Variants in IMMP2L observed in about 807,000 individuals in gnomAD.
IMMP2L encodes the protein inner mitochondrial membrane peptidase subunit 2, also known as mitochondrial inner membrane protease subunit 2.
IMMP2L carries 18 observed loss-of-function variants against 19.3 expected under a neutral mutation model. That is an observed-to-expected ratio of 0.93 (90% CI 0.64 to 1.38). The LOEUF is 1.38. Among genes scored for constraint, IMMP2L ranks in the 40% most tolerant of loss-of-function variants. The pLI is 0.00. For missense variants in IMMP2L, 233 were observed against 218.2 expected (o/e 1.07, Z -0.43); for synonymous variants, 76 against 73.0 (o/e 1.04, Z -0.21).
intron 5 of IMMP2L, among the ~76,000 whole-genome samples, chr7:110,713,755 C>G (rs1278088714): frequency 6.6e-6 from 1 of 151,426 alleles, no homozygotes. Flanking sequence ...ATTACTGGTG[C>G]ACAGAAATGT....
At chr7:111,167,584 G>A (rs1172669188) in intron 3 of IMMP2L, among the ~76,000 whole-genome samples, 1 of 151,918 alleles carries the variant, frequency 6.6e-6, no homozygotes, top group Non-Finnish European at 1.5e-5. Context: ...CAAATGGATT[G>A]TTGCAGTTTC....
At chr7:111,013,273 G>C (rs1031716565) in intron 3 of IMMP2L, among the ~76,000 whole-genome samples, 6 of 152,150 alleles carry the variant, frequency 3.9e-5, no homozygotes, top group African/African-American at 1.4e-4. Context: ...GTAAGAGGTA[G>C]ACATGAGCAA....
intron 3 of IMMP2L, among the ~76,000 whole-genome samples, chr7:111,174,325 T>C (rs930477061): frequency 6.6e-6 from 1 of 151,650 alleles, no homozygotes; most frequent in African/African-American, 2.4e-5. Flanking sequence ...AGATAGAGGT[T>C]TAATAACTTC....
rs151212319 is a variant in IMMP2L, at chr7:111,029,758, C to G, written c.240-66193G>C. ...TATTGCTCATCATTTTCCATACCAG[C>G]TATAATTTCAGCCACTTCAATCCAG... On this transcript the variant is annotated intron_variant, in intron 3 of 5. Transcript: ENST00000405709. Among the ~76,000 whole-genome samples the G allele has an allele frequency of 4.6e-3, 706 of 152,254 alleles. 3 individuals carry two copies. Among genetic ancestry groups the G allele is most frequent in the Middle Eastern group, 0.024 (7 of 294 alleles).
In IMMP2L at chr7:111,240,023, T is replaced by C. The variant is rs111281050; in HGVS notation, c.239+247215A>G. 3.6e-3 allele frequency among the ~76,000 whole-genome samples: 541 copies of C among 152,086 alleles called. 4 individuals are homozygous for C. The highest frequency in any genetic ancestry group is 0.012 in the African/African-American group (511 of 41,556). On this transcript the variant is annotated intron_variant, in intron 3 of 5. Transcript: ENST00000405709. ...GTAATAATTTGGCATTACCACCTTA[T>C]TGTCACAATAATGGATGTTTTGACA...
At chr7:111,355,464 G>C (rs1482404542) in intron 3 of IMMP2L, among the ~76,000 whole-genome samples, 11 of 151,534 alleles carry the variant, frequency 7.3e-5, no homozygotes, top group African/African-American at 2.7e-4. Flanking sequence ...ATTACTTAAT[G>C]TATAGAATCT....
intron 5 of IMMP2L, among the ~76,000 whole-genome samples, chr7:110,850,553 G>A (rs192598236): frequency 3.3e-5 from 5 of 151,984 alleles, no homozygotes; most frequent in Non-Finnish European, 4.4e-5. Context: ...TGCAAGGAAC[G>A]GTACCATTCA....
intron 3 of IMMP2L, among the ~76,000 whole-genome samples, chr7:111,297,826 A>ATAT (rs1821793471): frequency 1.3e-5 from 2 of 152,132 alleles, no homozygotes; most frequent in Non-Finnish European, 2.9e-5. Context: ...ATACTGTATA[A>ATAT]GTCCATTTAT....
At chr7:111,341,562 AT>A (rs1827012310) in intron 3 of IMMP2L, among the ~76,000 whole-genome samples, 1 of 152,182 alleles carries the variant, frequency 6.6e-6, no homozygotes, top group South Asian at 2.1e-4. Context: ...TATGATCTAA[AT>A]TAAAACCATT....
chr7:111,386,925 A>C (rs1244355813), intron 3 of IMMP2L, among the ~76,000 whole-genome samples: 1 of 152,218 alleles, frequency 6.6e-6, no homozygotes, highest in Non-Finnish European at 1.5e-5. Flanking sequence ...GTTTCACAAA[A>C]GAGGCAAAAG....
At chr7:111,065,039 A>G (rs1416375330) in intron 3 of IMMP2L, among the ~76,000 whole-genome samples, 1 of 152,200 alleles carries the variant, frequency 6.6e-6, no homozygotes, top group Non-Finnish European at 1.5e-5. Context: ...GCTGAAGGCT[A>G]AGGGAATACG....
At chr7:111,129,336 T>A (rs1326147693) in intron 3 of IMMP2L, among the ~76,000 whole-genome samples, 1 of 151,822 alleles carries the variant, frequency 6.6e-6, no homozygotes, top group African/African-American at 2.4e-5. Flanking sequence ...CCAACCTTTT[T>A]CCTCAAGTTT....
At chr7:111,018,954 G>A (rs1825999505) in intron 3 of IMMP2L, among the ~76,000 whole-genome samples, 1 of 150,820 alleles carries the variant, frequency 6.6e-6, no homozygotes, top group African/African-American at 2.5e-5. Flanking sequence ...AGTTAATTAA[G>A]ACAAATTGTC....
In IMMP2L at chr7:111,018,402, T is replaced by C. The variant is rs570832366; in HGVS notation, c.240-54837A>G. Among the ~76,000 whole-genome samples the C allele has an allele frequency of 3.1e-4, 47 of 152,278 alleles. 1 individual carries two copies. The South Asian group carries it at 9.5e-3, about 31-fold the overall frequency. The stretch of plus-strand genomic sequence containing the variant: ...TCCTTCACTTACAAATAGCATGAAA[T>C]GGTGGATGAAAAGTAATGCCCTAAA... On this transcript the variant is annotated intron_variant, in intron 3 of 5. Transcript: ENST00000405709.
In IMMP2L at chr7:110,704,388, T is replaced by C. The variant is rs116666118; in HGVS notation, c.409-40667A>G. 2.8e-3 allele frequency among the ~76,000 whole-genome samples: 427 copies of C among 152,338 alleles called. 3 individuals are homozygous for C. The highest frequency in any genetic ancestry group is 9.7e-3 in the African/African-American group (402 of 41,586). ...TTCTCTTACAATACTGTCACACCTA[T>C]TAAACAATGCAACTTTCCAATGCAT... On this transcript the variant is annotated intron_variant, in intron 5 of 5. Coordinates refer to ENST00000405709, the MANE Select transcript of IMMP2L (RefSeq NM_032549.4).
chr7:111,362,316 T>A (rs1829337387), intron 3 of IMMP2L, among the ~76,000 whole-genome samples: 1 of 152,082 alleles, frequency 6.6e-6, no homozygotes, highest in Admixed American at 6.6e-5. Flanking sequence ...ATTGAACTTT[T>A]AAATTGTGTT....
chr7:110,947,027 A>C (rs1332417063), intron 4 of IMMP2L, among the ~76,000 whole-genome samples: 1 of 152,080 alleles, frequency 6.6e-6, no homozygotes, highest in African/African-American at 2.4e-5. Context: ...GCCTAATACC[A>C]TTTTTTAAAA....
intron 4 of IMMP2L, among the ~76,000 whole-genome samples, chr7:110,887,655 T>C (rs897546167): frequency 6.6e-6 from 1 of 151,014 alleles, no homozygotes; most frequent in Admixed American, 6.6e-5. Context: ...TAAATTATGA[T>C]ACAACCAACT....
intron 3 of IMMP2L, among the ~76,000 whole-genome samples, chr7:111,380,534 C>G (rs1288963527): frequency 6.6e-6 from 1 of 151,910 alleles, no homozygotes; most frequent in Non-Finnish European, 1.5e-5. Flanking sequence ...TAACATGCAG[C>G]TATTGAAAAA....
Sources: allele counts gnomAD v4.1 joint callset (sites outside exome capture counted in the v4.1 genomes callset), GRCh38; gene constraint gnomAD v4.1.1; transcripts MANE v1.5; gene names NCBI Gene and HGNC (gene_info 2026-07-23, HGNC 2026-07-21).